The following RNF180 variants were observed in gnomAD, a reference collection of about 807,000 sequenced individuals.
RNF180 encodes ring finger protein 180, also known as E3 ubiquitin-protein ligase RNF180.
A neutral mutation model predicts 59.2 loss-of-function variants in RNF180; 38 were observed. That is an observed-to-expected ratio of 0.64 (90% confidence interval 0.50 to 0.84). The LOEUF (loss-of-function observed/expected upper bound fraction) is 0.84, where lower values mean the gene tolerates loss of function less well. RNF180 is among the 40% of genes least tolerant of loss of function. RNF180 has a pLI of 0.00. For missense variants in RNF180, 705 were observed against 700.9 expected, an observed-to-expected ratio of 1.01 and a Z score of -0.07; for synonymous variants, 262 against 240.3, an observed-to-expected ratio of 1.09 and a Z score of -0.84.
At chr5:64,217,498 C>T in intron 5 of RNF180, 102 bp downstream of exon 5, 2 of 1,306,636 alleles carry the variant, frequency 1.5e-6, no homozygotes, top group Non-Finnish European at 1.9e-6. Context: ...TTCTGTGCGT[C>T]CTTGAAAGCA....
At chr5:64,266,182 T>G (rs1744667529) in intron 5 of RNF180, among the ~76,000 whole-genome samples, 1 of 152,192 alleles carries the variant, frequency 6.6e-6, no homozygotes, top group African/African-American at 2.4e-5. Flanking sequence ...ACAATTTGAC[T>G]TCCTCTCTTC....
At chr5:64,178,609 G>A (rs1162814321) in intron 1 of RNF180, among the ~76,000 whole-genome samples, 1 of 152,198 alleles carries the variant, frequency 6.6e-6, no homozygotes, top group Non-Finnish European at 1.5e-5. Flanking sequence ...AACATTGTAT[G>A]ATTGATGCAT....
chr5:64,294,064 G>A (rs568258887), intron 5 of RNF180, among the ~76,000 whole-genome samples: 19 of 152,154 alleles, frequency 1.2e-4, no homozygotes, highest in East Asian at 3.8e-4. Context: ...CAAGTAGAAC[G>A]ATCTCCAACA....
chr5:64,280,943 G>A (rs1029240007), intron 5 of RNF180, among the ~76,000 whole-genome samples: 1 of 152,102 alleles, frequency 6.6e-6, no homozygotes, highest in Non-Finnish European at 1.5e-5. Flanking sequence ...CATGAGCATG[G>A]GATGTTTTTC....
chr5:64,213,085 T>A (rs1489460162), intron 3 of RNF180, among the ~76,000 whole-genome samples: 1 of 152,204 alleles, frequency 6.6e-6, no homozygotes, highest in Non-Finnish European at 1.5e-5. Context: ...TATATTTTGG[T>A]TGTATGTAAA....
intron 7 of RNF180, among the ~76,000 whole-genome samples, chr5:64,340,323 G>A (rs1745309005): frequency 6.6e-6 from 1 of 152,140 alleles, no homozygotes; most frequent in African/African-American, 2.4e-5. Context: ...AAAACATGCA[G>A]CTGAAATGTA....
intron 5 of RNF180, among the ~76,000 whole-genome samples, chr5:64,272,205 C>T (rs938378639): frequency 1.3e-5 from 2 of 152,006 alleles, no homozygotes; most frequent in Non-Finnish European, 2.9e-5. Flanking sequence ...GGACACGTTT[C>T]TATGAGGACA....
intron 6 of RNF180, among the ~76,000 whole-genome samples, chr5:64,330,042 CTACTCAG>C (rs1184249354): frequency 1.3e-5 from 2 of 152,124 alleles, no homozygotes; most frequent in Admixed American, 1.3e-4. Flanking sequence ...GACATAGGAG[CTACTCAG>C]TAGATTTATG....
chr5:64,252,213 GAAAT>G (rs1303242409), intron 5 of RNF180, among the ~76,000 whole-genome samples: 8 of 152,226 alleles, frequency 5.3e-5, no homozygotes, highest in African/African-American at 1.7e-4. Flanking sequence ...AGAGAGCTCA[GAAAT>G]AAATCCATGC....
chr5:64,165,708 G>A (rs1436365532), upstream of RNF180: 1 of 152,202 alleles, frequency 6.6e-6, no homozygotes, highest in Non-Finnish European at 1.5e-5. Flanking sequence ...GGAACCCGCA[G>A]ACGTGGGGCG....
intron 5 of RNF180, among the ~76,000 whole-genome samples, chr5:64,256,626 C>G (rs1743983200): frequency 6.6e-6 from 1 of 152,144 alleles, no homozygotes; most frequent in African/African-American, 2.4e-5. Context: ...AGTTTGAATT[C>G]AGGTAGCGTG....
At chr5:64,340,793 T>G (rs1745325757) in intron 7 of RNF180, among the ~76,000 whole-genome samples, 1 of 152,172 alleles carries the variant, frequency 6.6e-6, no homozygotes, top group Non-Finnish European at 1.5e-5. Flanking sequence ...TCAGAAGCCT[T>G]TTGCTTCTAT....
At chr5:64,213,417 A>G (rs1259429145) in intron 3 of RNF180, 141 bp from the exon 4 acceptor site, 3 of 683,538 alleles carry the variant, frequency 4.4e-6, no homozygotes, top group Non-Finnish European at 7.5e-6. Flanking sequence ...TTTGCTGTTC[A>G]GTCTACTAAT....
chr5:64,318,196 G>A (rs1224586637), intron 5 of RNF180, among the ~76,000 whole-genome samples: 1 of 152,052 alleles, frequency 6.6e-6, no homozygotes, highest in African/African-American at 2.4e-5. Flanking sequence ...CACAGTAAGA[G>A]ATTAACAATA....
intron 7 of RNF180, among the ~76,000 whole-genome samples, chr5:64,336,733 T>A (rs1745141315): frequency 6.6e-6 from 1 of 152,218 alleles, no homozygotes; most frequent in Non-Finnish European, 1.5e-5. Context: ...GTTACTTTGC[T>A]TATTTTACTA....
At chr5:64,259,911 A>G (rs1347943867) in intron 5 of RNF180, among the ~76,000 whole-genome samples, 2 of 152,122 alleles carry the variant, frequency 1.3e-5, no homozygotes, top group Non-Finnish European at 2.9e-5. Context: ...ACAAGAGCAA[A>G]ACTCCGTCTC....
chr5:64,334,448 T>G (rs980224979), intron 7 of RNF180, among the ~76,000 whole-genome samples: 1 of 152,130 alleles, frequency 6.6e-6, no homozygotes, highest in African/African-American at 2.4e-5. Flanking sequence ...AGATAAAGCC[T>G]TTGTAATGGT....
intron 5 of RNF180, among the ~76,000 whole-genome samples, chr5:64,282,702 T>A (rs989581663): frequency 6.6e-6 from 1 of 152,196 alleles, no homozygotes; most frequent in Non-Finnish European, 1.5e-5. Flanking sequence ...ACTGTTTTAG[T>A]TGTTTTCCTG....
intron 5 of RNF180, among the ~76,000 whole-genome samples, chr5:64,276,374 G>GGT (rs143707598): frequency 0.012 from 1,733 of 145,424 alleles, 44 homozygotes; most frequent in African/African-American, 0.04. Flanking sequence ...AAACCACATT[G>GGT]GTGTGTGTGT....
Sources: gnomAD v4.1 joint callset for allele counts (sites outside exome capture counted in the v4.1 genomes callset) on GRCh38, gnomAD v4.1.1 for gene constraint, MANE v1.5 for transcripts, NCBI Gene and HGNC (gene_info 2026-07-23, HGNC 2026-07-21) for gene names.